Variants in SLC36A3 observed in about 807,000 individuals in gnomAD.
SLC36A3 encodes solute carrier family 36 member 3.
In SLC36A3, 35 loss-of-function variants were observed where a neutral mutation model predicts 44.3. The observed-to-expected ratio is 0.79, with a 90% confidence interval of 0.60 to 1.05. The LOEUF (loss-of-function observed/expected upper bound fraction) is 1.05. Ranked by LOEUF, SLC36A3 falls within the 50% of genes least tolerant of loss-of-function variation. The pLI, the probability that SLC36A3 is intolerant of heterozygous loss-of-function variation, is 0.00. For missense variants in SLC36A3, 540 were observed against 578.7 expected (o/e 0.93, Z 0.69); for synonymous variants, 211 against 227.6 (o/e 0.93, Z 0.66).
At chr5:151,279,590 A>G (rs1580801722) in intron 9 of SLC36A3, among the ~76,000 whole-genome samples, 1 of 152,232 alleles carries the variant, frequency 6.6e-6, no homozygotes, top group Non-Finnish European at 1.5e-5. Context: ...CCTGATACTC[A>G]GAGGCTCCTC....
At chr5:151,294,483 A>G (rs1383909950) in intron 3 of SLC36A3, among the ~76,000 whole-genome samples, 2 of 152,162 alleles carry the variant, frequency 1.3e-5, no homozygotes, top group African/African-American at 4.8e-5. Flanking sequence ...CCCATTGTAA[A>G]AGGGATTGCT....
At chr5:151,292,845 G>A (rs371644822) in intron 4 of SLC36A3, among the ~76,000 whole-genome samples, 4 of 152,110 alleles carry the variant, frequency 2.6e-5, no homozygotes, top group African/African-American at 4.8e-5. Flanking sequence ...TTAACCAGGC[G>A]TGGTGGTGGG....
chr5:151,279,110 TC>T (rs1217423575), intron 9 of SLC36A3, among the ~76,000 whole-genome samples: 3 of 151,686 alleles, frequency 2.0e-5, no homozygotes, highest in African/African-American at 7.3e-5. Flanking sequence ...TCTGTTCCCT[TC>T]CCGTGGTACA....
intron 3 of SLC36A3, among the ~76,000 whole-genome samples, chr5:151,294,924 C>T (rs1042926987): frequency 7.2e-5 from 11 of 152,008 alleles, no homozygotes; most frequent in East Asian, 1.9e-4. Context: ...CCACTGCACC[C>T]GGCCGAAATC....
Position 151,303,520 on chromosome 5 carries a change from G to A in SLC36A3, c.-166C>T, listed in dbSNP as rs377741398. On this transcript the variant is annotated 5_prime_UTR_variant, in exon 1 of 10. Coordinates refer to ENST00000335230, the MANE Select transcript of SLC36A3 (RefSeq NM_181774.4). The stretch of plus-strand genomic sequence containing the variant: ...CCTGAAGTGCATGAATCAGGGAAGC[G>A]GTGGTGGCAGGAGAGGCTGATGTTG... The A allele has an allele frequency of 8.1e-5, 52 of 640,952 alleles. No individual in the cohort carries two copies. Among genetic ancestry groups the A allele is most frequent in the African/African-American group, 6.9e-4 (38 of 54,970 alleles). 39.7% of individuals were successfully genotyped at this position (640,952 alleles called of 1,614,324 possible). A position where few individuals can be genotyped will look rare whatever the true frequency, so the allele number is the denominator to read the frequency against.
intron 7 of SLC36A3, among the ~76,000 whole-genome samples, 160 bp from the exon 8 acceptor site, chr5:151,284,370 T>C (rs1754450150): frequency 1.3e-5 from 2 of 152,204 alleles, no homozygotes; most frequent in South Asian, 4.1e-4. Context: ...TTTTCTCTCA[T>C]GCTTTCTATT....
intron 7 of SLC36A3, 44 bp downstream of exon 7, chr5:151,284,569 T>C (rs1016257395): frequency 6.8e-7 from 1 of 1,470,732 alleles, no homozygotes. Context: ...TTGGCCACTG[T>C]AGAGGGCGCT....
chr5:151,303,389 G>T lies in SLC36A3; in HGVS notation c.-35C>A. The T allele has an allele frequency of 6.3e-7, 1 of 1,597,090 alleles. No individual in the cohort carries two copies. Among genetic ancestry groups the T allele is most frequent in the Non-Finnish European group, 8.6e-7 (1 of 1,169,202 alleles). Reference sequence around the variant, plus strand: ...GGTGGGTAGGTGGCAGAGGCTCAGGGTTAAGGCTCTGAATGAGCCTCTGAT... The same window carrying T: ...GGTGGGTAGGTGGCAGAGGCTCAGGTTTAAGGCTCTGAATGAGCCTCTGAT... On this transcript the variant is annotated 5_prime_UTR_variant, in exon 1 of 10. Coordinates refer to ENST00000335230, the MANE Select transcript of SLC36A3 (RefSeq NM_181774.4).
At chr5:151,294,699 G>T (rs575570768) in intron 3 of SLC36A3, among the ~76,000 whole-genome samples, 2 of 151,504 alleles carry the variant, frequency 1.3e-5, no homozygotes, top group East Asian at 1.9e-4. Context: ...GTGCGATCTC[G>T]GCTCACCAAA....
chr5:151,303,097 A>G (rs1371732111), intron 1 of SLC36A3, 130 bp downstream of exon 1: 6 of 1,190,060 alleles, frequency 5.0e-6, no homozygotes, highest in African/African-American at 1.5e-5. Flanking sequence ...TGAAGGTTTC[A>G]TCTTTTATCC....
chr5:151,299,225 G>GCTCT lies in SLC36A3; in HGVS notation c.129-546_129-543dup, dbSNP rs61382152. On this transcript the variant is annotated intron_variant, in intron 1 of 9. Transcript: ENST00000335230. Reference sequence around the variant, plus strand: ...CATTGTGAATATGAATTGCTTGTGCGCTCTCTCTCTCTCTCTCTCTCTCTC... The same window carrying GCTCT: ...CATTGTGAATATGAATTGCTTGTGCGCTCTCTCTCTCTCTCTCTCTCTCTCTCTC... 2.4e-3 allele frequency among the ~76,000 whole-genome samples: 218 copies of GCTCT among 92,338 alleles called. 1 individual carries two copies. The highest frequency in any genetic ancestry group is 5.0e-3 in the South Asian group (12 of 2,390). The allele number at this position is 92,338 out of a possible 152,430, so 60.6% of individuals were successfully genotyped here.
intron 5 of SLC36A3, among the ~76,000 whole-genome samples, chr5:151,287,861 G>C (rs573756840): frequency 4.7e-4 from 72 of 152,334 alleles, no homozygotes; most frequent in African/African-American, 1.7e-3. Flanking sequence ...AATCTGGGAA[G>C]CTCTAAATAT....
chr5:151,295,751 T>C (rs1754935787), intron 3 of SLC36A3, among the ~76,000 whole-genome samples: 1 of 152,238 alleles, frequency 6.6e-6, no homozygotes. Flanking sequence ...TCAGTAAGTA[T>C]GCTTTTTACT....
intron 6 of SLC36A3, among the ~76,000 whole-genome samples, chr5:151,286,743 A>G (rs1294456419): frequency 2.0e-5 from 3 of 152,180 alleles, no homozygotes; most frequent in Non-Finnish European, 4.4e-5. Flanking sequence ...TTACTTCCAA[A>G]ATAGTATTGC....
chr5:151,279,610 T>A lies in SLC36A3; in HGVS notation c.1144+1404A>T, dbSNP rs75985776. On this transcript the variant is annotated intron_variant, in intron 9 of 9. Coordinates refer to ENST00000335230, the MANE Select transcript of SLC36A3 (RefSeq NM_181774.4). ...TACTCAGAGGCTCCTCAGTCTTTCT[T>A]GTCAACTTACACCCTTCCTAGTAGG... is the stretch of plus-strand genomic sequence containing the variant. Among the ~76,000 whole-genome samples, 1,445 of 152,334 alleles carry A rather than the reference T, an allele frequency of 9.5e-3. 19 individuals carry two copies. Among genetic ancestry groups the A allele is most frequent in the African/African-American group, 0.033 (1,376 of 41,570 alleles).
intron 8 of SLC36A3, among the ~76,000 whole-genome samples, chr5:151,282,766 C>A (rs1223899261): frequency 1.3e-5 from 2 of 152,170 alleles, no homozygotes; most frequent in Non-Finnish European, 2.9e-5. Context: ...CATTTGCTGT[C>A]CTAGTGTATA....
chr5:151,303,148 G>A (rs1387703998), intron 1 of SLC36A3, 79 bp downstream of exon 1: 4 of 1,511,512 alleles, frequency 2.6e-6, no homozygotes, highest in Non-Finnish European at 3.6e-6. Context: ...TAAGGAGATA[G>A]ATGAAGGAAG....
intron 1 of SLC36A3, among the ~76,000 whole-genome samples, chr5:151,301,876 A>G (rs9885297): frequency 0.027 from 4,112 of 152,312 alleles, 186 homozygotes; most frequent in African/African-American, 0.093. Context: ...CATTATAACA[A>G]GTGCTTTGAT....
chr5:151,294,207 T>G (rs887682023), intron 3 of SLC36A3, among the ~76,000 whole-genome samples: 2 of 152,200 alleles, frequency 1.3e-5, no homozygotes, highest in African/African-American at 4.8e-5. Context: ...TTTCTTCACA[T>G]GCAGTCTGGA....
Sources: allele counts gnomAD v4.1 joint callset (sites outside exome capture counted in the v4.1 genomes callset), GRCh38; gene constraint gnomAD v4.1.1; transcripts MANE v1.5; gene names NCBI Gene and HGNC (gene_info 2026-07-23, HGNC 2026-07-21).